CEP128: variants seen among roughly 807,000 people sequenced by gnomAD.
CEP128 encodes centrosomal protein 128, also known as centrosomal protein 128kDa.
CEP128 carries 132 observed loss-of-function variants against 156.7 expected under a neutral mutation model. The ratio of observed to expected loss-of-function variants is 0.84; its 90% CI spans 0.73 to 0.97. The LOEUF is 0.97. Ranked by LOEUF, CEP128 falls within the 50% of genes least tolerant of loss-of-function variation. The pLI is 0.00. For missense variants in CEP128, 1,252 were observed against 1,281.9 expected (o/e 0.98, Z 0.36); for synonymous variants, 469 against 448.9 (o/e 1.04, Z -0.57).
At chr14:80,726,110 G>GT (rs1012371463) in intron 19 of CEP128, among the ~76,000 whole-genome samples, 2 of 152,106 alleles carry the variant, frequency 1.3e-5, no homozygotes, top group Admixed American at 1.3e-4. Context: ...TTCTCTTGTG[G>GT]TTTAGAAACC....
In CEP128 at chr14:80,743,226, TTCTC is replaced by T; in HGVS notation, c.2651_2654del (p.Arg884LysfsTer11). 1.2e-6 allele frequency: 2 copies of T among 1,613,536 alleles called. No individual in the cohort carries two copies. The highest frequency in any genetic ancestry group is 1.3e-5 in the African/African-American group (1 of 75,018). ...GGTGTCGCAGATTTTTCTCTCTGTT[TTCTC>T]TCTCTTTCAGTTCCTCACAGAGCCA... is the stretch of plus-strand genomic sequence containing the variant. On this transcript the variant is annotated frameshift_variant, in exon 19 of 25. Transcript: ENST00000555265. LOFTEE classifies it high-confidence loss of function.
At chr14:80,702,351 TATAC>T (rs1157096043) in intron 19 of CEP128, among the ~76,000 whole-genome samples, 1 of 152,184 alleles carries the variant, frequency 6.6e-6, no homozygotes, top group Non-Finnish European at 1.5e-5. Context: ...ACATTTTCCC[TATAC>T]ATCCATTTGC....
At chr14:80,912,241 G>A (rs775587242) in intron 4 of CEP128, among the ~76,000 whole-genome samples, 1 of 151,328 alleles carries the variant, frequency 6.6e-6, no homozygotes, top group Non-Finnish European at 1.5e-5. Flanking sequence ...TACTCCCTCA[G>A]AAAGTTTAGC....
intron 13 of CEP128, among the ~76,000 whole-genome samples, chr14:80,824,476 AG>A: frequency 1.3e-5 from 2 of 152,342 alleles, no homozygotes. Flanking sequence ...TGCCTTTAAC[AG>A]CACCCAAGTC....
intron 18 of CEP128, among the ~76,000 whole-genome samples, chr14:80,751,376 G>A (rs1166331821): frequency 6.6e-6 from 1 of 151,996 alleles, no homozygotes; most frequent in Non-Finnish European, 1.5e-5. Flanking sequence ...TCAATTATGA[G>A]AATTTGTCTT....
At chr14:80,802,628 C>T (rs566091761) in intron 13 of CEP128, among the ~76,000 whole-genome samples, 2 of 151,774 alleles carry the variant, frequency 1.3e-5, no homozygotes, top group Non-Finnish European at 2.9e-5. Context: ...ATGTAACAAA[C>T]CTCCATGTTC....
intron 21 of CEP128, among the ~76,000 whole-genome samples, chr14:80,539,856 C>T (rs765079884): frequency 2.6e-5 from 4 of 151,964 alleles, no homozygotes; most frequent in African/African-American, 4.8e-5. Context: ...TATAAACAGC[C>T]GCTCTGGGAA....
intron 19 of CEP128, among the ~76,000 whole-genome samples, chr14:80,629,976 T>C (rs1263522419): frequency 6.6e-6 from 1 of 151,986 alleles, no homozygotes; most frequent in Non-Finnish European, 1.5e-5. Flanking sequence ...TGAATTCATG[T>C]AGCTTGTAAG....
chr14:80,756,624 T>G (rs879751827), intron 18 of CEP128, among the ~76,000 whole-genome samples: 3 of 152,196 alleles, frequency 2.0e-5, no homozygotes, highest in Non-Finnish European at 4.4e-5. Context: ...CCTTTGTCAA[T>G]GTTCACATAT....
chr14:80,506,166 G>A (rs534895933), intron 23 of CEP128, among the ~76,000 whole-genome samples: 2 of 152,030 alleles, frequency 1.3e-5, no homozygotes, highest in Non-Finnish European at 2.9e-5. Context: ...GTAAGGAGAA[G>A]GATCAGGGAG....
intron 2 of CEP128, among the ~76,000 whole-genome samples, chr14:80,952,991 C>T (rs1225924534): frequency 6.6e-6 from 1 of 152,126 alleles, no homozygotes; most frequent in Non-Finnish European, 1.5e-5. Flanking sequence ...TGTTTAGAAA[C>T]TGGATTTATA....
intron 8 of CEP128, among the ~76,000 whole-genome samples, chr14:80,890,901 T>C (rs1038546682): frequency 6.6e-6 from 1 of 152,102 alleles, no homozygotes; most frequent in African/African-American, 2.4e-5. Flanking sequence ...GAAACAGGCA[T>C]TTCTCAGAAG....
In CEP128 at chr14:80,840,743, G is replaced by A. The variant is rs144881047; in HGVS notation, c.788C>T (p.Ala263Val). The A allele has an allele frequency of 2.8e-4, 456 of 1,610,004 alleles. 2 individuals are homozygous for A. In the East Asian group the frequency reaches 9.3e-3, roughly 33 times the overall value. Reference sequence around the variant, plus strand: ...TTTTATTGCCCCCTCATGCTCATCTGCTTTAGCTTCTTGTTTCTTTAGTGC... The same window carrying A: ...TTTTATTGCCCCCTCATGCTCATCTACTTTAGCTTCTTGTTTCTTTAGTGC... ...QEALKKQEAK[A>V]DEHEGAIKNK... The change falls in exon 10 of 25, where the codon GCA becomes GTA. Residue 263 changes from alanine (A) to valine (V), a missense_variant. Transcript: ENST00000555265.
At chr14:80,539,869 T>C (rs1370382060) in intron 21 of CEP128, among the ~76,000 whole-genome samples, 1 of 152,120 alleles carries the variant, frequency 6.6e-6, no homozygotes, top group Non-Finnish European at 1.5e-5. Flanking sequence ...TCTGGGAATG[T>C]CTGTCTTATG....
chr14:80,528,446 G>A (rs1342755820), intron 22 of CEP128, among the ~76,000 whole-genome samples: 2 of 152,116 alleles, frequency 1.3e-5, no homozygotes, highest in South Asian at 2.1e-4. Flanking sequence ...GTGCCATCAC[G>A]CCCAGCTAAT....
intron 19 of CEP128, among the ~76,000 whole-genome samples, chr14:80,639,962 C>T (rs1566827559): frequency 6.6e-6 from 1 of 152,178 alleles, no homozygotes. Flanking sequence ...TTTCCATGAA[C>T]TGAGACCAAA....
chr14:80,947,119 C>G (rs1349019609), intron 2 of CEP128, among the ~76,000 whole-genome samples: 1 of 152,190 alleles, frequency 6.6e-6, no homozygotes, highest in East Asian at 1.9e-4. Flanking sequence ...AATTAAACCT[C>G]TTTTCTTCAC....
chr14:80,657,142 C>T (rs906965898), intron 19 of CEP128, among the ~76,000 whole-genome samples: 1 of 151,908 alleles, frequency 6.6e-6, no homozygotes, highest in Admixed American at 6.6e-5. Context: ...CCTGTAATCC[C>T]AGCTACTTGG....
intron 19 of CEP128, among the ~76,000 whole-genome samples, chr14:80,625,109 A>G (rs1893654847): frequency 6.6e-6 from 1 of 152,216 alleles, no homozygotes; most frequent in African/African-American, 2.4e-5. Context: ...GTATATGGTT[A>G]GAGACAGAGG....
Sources: allele counts gnomAD v4.1 joint callset (sites outside exome capture counted in the v4.1 genomes callset), GRCh38; gene constraint gnomAD v4.1.1; transcripts MANE v1.5; gene names NCBI Gene and HGNC (gene_info 2026-07-23, HGNC 2026-07-21).